Variants in ACSS3 observed in about 807,000 individuals in gnomAD.
The protein encoded by ACSS3 is acyl-CoA synthetase short chain family member 3, also known as acyl-CoA synthetase short-chain family member 3, mitochondrial.
In ACSS3, 64 loss-of-function variants were observed where a neutral mutation model predicts 84.2. That is an observed-to-expected ratio of 0.76 (90% CI 0.62 to 0.94). The LOEUF (loss-of-function observed/expected upper bound fraction) is 0.94. Ranked by LOEUF, ACSS3 falls within the 40% of genes least tolerant of loss-of-function variation. The pLI, the probability that ACSS3 is intolerant of heterozygous loss-of-function variation, is 0.00. For synonymous variants in ACSS3, 317 were observed against 310.1 expected (o/e 1.02, Z -0.23); for missense variants, 815 against 867.6 (o/e 0.94, Z 0.76).
chr12:81,234,354 T>C (rs941097157), intron 13 of ACSS3, among the ~76,000 whole-genome samples: 1 of 151,492 alleles, frequency 6.6e-6, no homozygotes, highest in African/African-American at 2.4e-5. Context: ...AGGGCTGTTA[T>C]ACACATTCAA....
At chr12:81,175,734 C>T (rs545761492) in intron 8 of ACSS3, among the ~76,000 whole-genome samples, 1 of 152,204 alleles carries the variant, frequency 6.6e-6, no homozygotes, top group East Asian at 1.9e-4. Context: ...GGAAATTAAA[C>T]AATCTGCTCC....
chr12:81,139,962 A>G (rs73359366), intron 4 of ACSS3, among the ~76,000 whole-genome samples: 1,790 of 152,120 alleles, frequency 0.012, 40 homozygotes, highest in African/African-American at 0.04. Context: ...TGGTAACTCT[A>G]TTAACTAGAT....
intron 8 of ACSS3, among the ~76,000 whole-genome samples, chr12:81,187,274 G>A (rs10778800): frequency 0.64 from 96,924 of 151,550 alleles, 31,818 homozygotes; most frequent in Non-Finnish European, 0.72. Context: ...CAGGTATGTA[G>A]GATGAACAAG....
intron 9 of ACSS3, among the ~76,000 whole-genome samples, chr12:81,202,877 T>A (rs1156363208): frequency 6.6e-6 from 1 of 152,202 alleles, no homozygotes. Context: ...TATGACCATG[T>A]TTTGTTAATC....
intron 11 of ACSS3, 34 bp from the exon 12 acceptor site, chr12:81,231,023 C>T (rs2135968698): frequency 1.3e-6 from 2 of 1,505,970 alleles, no homozygotes; most frequent in African/African-American, 2.8e-5. Flanking sequence ...TTACCACTTT[C>T]ATCATAATTT....
chr12:81,255,550 C>T lies in ACSS3; in HGVS notation c.*628C>T, dbSNP rs999740797. 1 of 151,950 alleles carries T rather than the reference C, an allele frequency of 6.6e-6. No homozygotes were observed. The highest frequency in any genetic ancestry group is 6.6e-5 in the Admixed American group (1 of 15,220). The allele number at this position is 151,950 out of a possible 1,614,324, so 9.4% of individuals were successfully genotyped here. On this transcript the variant is annotated 3_prime_UTR_variant, in exon 16 of 16. Coordinates refer to ENST00000548058, the MANE Select transcript of ACSS3 (RefSeq NM_024560.4). ...AGGCAAGGAAAACCACATGTCTGACCTGGTTCAGCATGTAATCCGAGCACT... is the reference window on the plus strand; with the variant it reads ...AGGCAAGGAAAACCACATGTCTGACTTGGTTCAGCATGTAATCCGAGCACT...
At chr12:81,147,769 T>TC (rs1033803701) in intron 5 of ACSS3, among the ~76,000 whole-genome samples, 71 of 152,176 alleles carry the variant, frequency 4.7e-4, no homozygotes, top group African/African-American at 1.7e-3. Flanking sequence ...TCATTTTTTT[T>TC]CTCTGACGCC....
chr12:81,240,129 T>C (rs190146788), intron 13 of ACSS3, among the ~76,000 whole-genome samples: 116 of 152,094 alleles, frequency 7.6e-4, no homozygotes, highest in Middle Eastern at 3.4e-3. Context: ...CCTTACTGAT[T>C]GTGTGCCCAG....
In ACSS3 at chr12:81,146,864, T is replaced by TA. The variant is rs200599497; in HGVS notation, c.921+3618dup. Among the ~76,000 whole-genome samples, 924 of 151,392 alleles carry TA rather than the reference T, an allele frequency of 6.1e-3. 10 individuals carry two copies. The highest frequency in any genetic ancestry group is 0.021 in the African/African-American group (885 of 41,286). Reference sequence around the variant, plus strand: ...TGATATCATAAAGGGATCATGATAATATAAAAAGGAAAAATGTTCAGTGTC... The same window carrying TA: ...TGATATCATAAAGGGATCATGATAATAATAAAAAGGAAAAATGTTCAGTGTC... On this transcript the variant is annotated intron_variant, in intron 5 of 15. Transcript: ENST00000548058.
chr12:81,120,548 A>C (rs2121533544), intron 2 of ACSS3, among the ~76,000 whole-genome samples: 1 of 152,348 alleles, frequency 6.6e-6, no homozygotes, highest in Admixed American at 6.5e-5. Context: ...GAGTGGCTAA[A>C]GTGGTGCAAA....
intron 8 of ACSS3, among the ~76,000 whole-genome samples, chr12:81,185,045 T>G (rs908113493): frequency 4.6e-5 from 7 of 151,736 alleles, no homozygotes; most frequent in Non-Finnish European, 1.0e-4. Flanking sequence ...CATGTGAGAT[T>G]TTTCCATGGC....
intron 1 of ACSS3, among the ~76,000 whole-genome samples, chr12:81,085,989 A>C (rs1421488910): frequency 6.6e-6 from 1 of 152,180 alleles, no homozygotes; most frequent in Non-Finnish European, 1.5e-5. Context: ...GATTGCTTCA[A>C]AGGAAAATAA....
intron 7 of ACSS3, among the ~76,000 whole-genome samples, chr12:81,162,853 A>G (rs1471469121): frequency 2.0e-5 from 3 of 152,150 alleles, no homozygotes. Context: ...CTGAGTGTGC[A>G]CACACTCGGC....
chr12:81,096,367 A>G (rs1328219121), intron 1 of ACSS3, among the ~76,000 whole-genome samples: 1 of 152,190 alleles, frequency 6.6e-6, no homozygotes, highest in Non-Finnish European at 1.5e-5. Context: ...ATGAACTAGC[A>G]TGTGGTCCCT....
intron 1 of ACSS3, among the ~76,000 whole-genome samples, chr12:81,093,484 T>C (rs1298595479): frequency 6.6e-6 from 1 of 151,936 alleles, no homozygotes; most frequent in Non-Finnish European, 1.5e-5. Context: ...AAAAGAATTC[T>C]GATTAAAGTG....
At chr12:81,109,224 T>G (rs1883355964) in intron 1 of ACSS3, among the ~76,000 whole-genome samples, 1 of 152,230 alleles carries the variant, frequency 6.6e-6, no homozygotes, top group African/African-American at 2.4e-5. Flanking sequence ...GCACTGCACT[T>G]ACATACCATT....
At chr12:81,228,927 G>A (rs1166949611) in intron 11 of ACSS3, among the ~76,000 whole-genome samples, 2 of 151,724 alleles carry the variant, frequency 1.3e-5, no homozygotes, top group Non-Finnish European at 2.9e-5. Flanking sequence ...GATATGCATA[G>A]CTCTCATCAT....
At chr12:81,193,412 A>G (rs1319021009) in intron 8 of ACSS3, among the ~76,000 whole-genome samples, 1 of 151,866 alleles carries the variant, frequency 6.6e-6, no homozygotes, top group South Asian at 2.1e-4. Context: ...ATTCATTTCT[A>G]TTTTGGACCA....
intron 2 of ACSS3, among the ~76,000 whole-genome samples, chr12:81,126,089 T>A (rs2574745): frequency 6.6e-6 from 1 of 151,858 alleles, no homozygotes; most frequent in Non-Finnish European, 1.5e-5. Context: ...AACAAGACTC[T>A]GTATCATGTC....
Sources: gnomAD v4.1 joint callset for allele counts (sites outside exome capture counted in the v4.1 genomes callset) on GRCh38, gnomAD v4.1.1 for gene constraint, MANE v1.5 for transcripts, NCBI Gene and HGNC (gene_info 2026-07-23, HGNC 2026-07-21) for gene names.